Variants in MARCO observed in about 807,000 individuals in gnomAD.
The protein encoded by MARCO is macrophage receptor MARCO.
MARCO carries 72 observed loss-of-function variants against 70.0 expected under a neutral mutation model. The ratio of observed to expected loss-of-function variants is 1.03; its 90% CI spans 0.85 to 1.25. MARCO has a LOEUF of 1.25. Ranked by LOEUF, MARCO falls within the 50% of genes most tolerant of loss-of-function variation. The probability of loss-of-function intolerance (pLI) is 0.00; values close to 1 mark genes in which losing one functional copy is unlikely to be tolerated. For missense variants in MARCO, 696 were observed against 659.3 expected (o/e 1.06, Z -0.61); for synonymous variants, 273 against 243.1 (o/e 1.12, Z -1.14).
intron 3 of MARCO, among the ~76,000 whole-genome samples, chr2:118,970,644 G>T (rs768621049): frequency 6.6e-6 from 1 of 152,324 alleles, no homozygotes; most frequent in Admixed American, 6.5e-5. Context: ...AGACAATGTG[G>T]GGACTTTGTG....
intron 4 of MARCO, 150 bp downstream of exon 4, chr2:118,971,684 C>G (rs1026672148): frequency 4.0e-6 from 3 of 750,790 alleles, no homozygotes; most frequent in Non-Finnish European, 6.7e-6. Context: ...GTTGGGTCTC[C>G]TCTCTGTTCC....
In MARCO at chr2:118,992,929, G is replaced by A. The variant is rs995198619; in HGVS notation, c.1253-195G>A. The A allele has an allele frequency of 1.2e-5, 7 of 563,478 alleles. No individual in the cohort carries two copies. The East Asian group carries it at 1.4e-4, about 12-fold the overall frequency. 34.9% of individuals were successfully genotyped at this position (563,478 alleles called of 1,614,324 possible). A position where few individuals can be genotyped will look rare whatever the true frequency, so the allele number is the denominator to read the frequency against. On this transcript the variant is annotated intron_variant, in intron 15 of 16. Transcript: ENST00000327097. ...TGCCCCTGTGGCCTTGTGCCTGCAG[G>A]CCCCAGGTGCATGGAGGCTGCGTGC...
intron 12 of MARCO, among the ~76,000 whole-genome samples, chr2:118,986,672 G>GGAAAGAAAGAAAGAAAGAAA (rs70949954): frequency 8.2e-4 from 40 of 48,688 alleles, no homozygotes; most frequent in Non-Finnish European, 8.9e-4. Context: ...AAGGAAGGAA[G>GGAAAGAAAGAAAGAAAGAAA]GAAAGAAAGA....
At chr2:118,993,001 C>A in intron 15 of MARCO, 123 bp from the exon 16 acceptor site, 1 of 877,596 alleles carries the variant, frequency 1.1e-6, no homozygotes, top group African/African-American at 1.7e-5. Flanking sequence ...GCTCTGGTGA[C>A]AGTCAAGCAG....
At chr2:118,977,724 G>C (rs1680312251) in intron 7 of MARCO, 104 bp from the exon 8 acceptor site, 1 of 922,182 alleles carries the variant, frequency 1.1e-6, no homozygotes, top group African/African-American at 1.7e-5. Context: ...GAAATCTGGG[G>C]ATCCCATTCC....
At chr2:118,968,499 AT>A (rs948757896) in intron 1 of MARCO, among the ~76,000 whole-genome samples, 2 of 152,166 alleles carry the variant, frequency 1.3e-5, no homozygotes, top group Non-Finnish European at 2.9e-5. Flanking sequence ...GGTTTGTAGG[AT>A]TTCTGGACAG....
chr2:118,983,621 A>G (rs1005637832), intron 12 of MARCO, among the ~76,000 whole-genome samples: 5 of 152,158 alleles, frequency 3.3e-5, no homozygotes, highest in Admixed American at 2.6e-4. Context: ...ATCTGGGTAT[A>G]GTCGTCAGAT....
In MARCO at chr2:118,993,146, G is replaced by T; in HGVS notation, c.1275G>T (p.Arg425Ser). 1 of 1,614,258 alleles carries T rather than the reference G, an allele frequency of 6.2e-7. No individual in the cohort carries two copies. Among genetic ancestry groups the T allele is most frequent in the Non-Finnish European group, 8.5e-7 (1 of 1,180,042 alleles). Residue 425 changes from arginine to serine, a missense_variant, in exon 16 of 17, where the codon AGG becomes AGT. Arg to Ser is a moderately radical substitution (Grantham distance 110). Coordinates refer to ENST00000327097, the MANE Select transcript of MARCO (RefSeq NM_006770.4). ...GERGENSVSVRIVGSSNRGRA... is the reference protein window; with the variant it reads ...GERGENSVSVSIVGSSNRGRA... The stretch of plus-strand genomic sequence containing the variant: ...CAGGTGAAAACTCAGTGTCCGTCAG[G>T]ATTGTCGGCAGTAGTAACCGAGGCC...
intron 1 of MARCO, among the ~76,000 whole-genome samples, chr2:118,965,003 A>G (rs980884938): frequency 9.9e-5 from 15 of 151,548 alleles, no homozygotes; most frequent in Admixed American, 7.9e-4. Context: ...TATGTTTTCA[A>G]TGTTTTAGTT....
chr2:118,986,656 G>A (rs10445849), intron 12 of MARCO, among the ~76,000 whole-genome samples: 9,094 of 25,432 alleles, frequency 0.36, 1,109 homozygotes, highest in Non-Finnish European at 0.4. Flanking sequence ...AAAGAAAGAA[G>A]GAAGGAAGGA....
At chr2:118,993,468 A>G (rs1680662741) in intron 16 of MARCO, among the ~76,000 whole-genome samples, 168 bp downstream of exon 16, 1 of 152,204 alleles carries the variant, frequency 6.6e-6, no homozygotes, top group Non-Finnish European at 1.5e-5. Context: ...GCATCCTTCC[A>G]GCTTGGCAAC....
chr2:118,977,963 C>A (rs1258114954), intron 8 of MARCO, 28 bp downstream of exon 8: 1 of 1,514,508 alleles, frequency 6.6e-7, no homozygotes, highest in Admixed American at 1.9e-5. Context: ...GGTGTCGGTG[C>A]TTGCCAGGAG....
intron 8 of MARCO, among the ~76,000 whole-genome samples, chr2:118,979,270 G>A (rs1278035138): frequency 6.6e-6 from 1 of 152,196 alleles, no homozygotes; most frequent in African/African-American, 2.4e-5. Context: ...GGTTTCAGGA[G>A]GACCAATTGT....
At chr2:118,956,356 C>A (rs1020359828) in intron 1 of MARCO, among the ~76,000 whole-genome samples, 26 of 151,994 alleles carry the variant, frequency 1.7e-4, no homozygotes, top group Admixed American at 5.9e-4. Flanking sequence ...TTATATCAGA[C>A]AAAACAATCT....
At chr2:118,965,867 G>A (rs1201461678) in intron 1 of MARCO, among the ~76,000 whole-genome samples, 2 of 152,216 alleles carry the variant, frequency 1.3e-5, no homozygotes, top group African/African-American at 2.4e-5. Context: ...AAGGCAGAAG[G>A]CACGTTCCAG....
At position 118,970,386 on chromosome 2, in the gene MARCO, G is replaced by C. The variant is rs748370387; in HGVS notation, c.424+48G>C. ...TCAGGACTTCTCAACAGAGGTCTGG[G>C]AGACAGCGGGATCAGGAACCAGGAA... On this transcript the variant is annotated intron_variant, in intron 3 of 16. Transcript: ENST00000327097. 5.0e-6 allele frequency: 7 copies of C among 1,401,678 alleles called. No individual in the cohort carries two copies. The East Asian group carries it at 1.7e-4, about 34-fold the overall frequency. The allele number at this position is 1,401,678 out of a possible 1,614,324, so 86.8% of individuals were successfully genotyped here.
intron 2 of MARCO, 150 bp from the exon 3 acceptor site, chr2:118,969,964 G>T: frequency 1.5e-6 from 1 of 655,974 alleles, no homozygotes; most frequent in Non-Finnish European, 2.7e-6. Flanking sequence ...ATGTAGAAAA[G>T]GCCGTGTGCT....
At chr2:118,986,713 G>GAAAGAAAGAAAT (rs1680519286) in intron 12 of MARCO, among the ~76,000 whole-genome samples, 1 of 99,802 alleles carries the variant, frequency 1.0e-5, no homozygotes, top group Non-Finnish European at 2.0e-5. Context: ...AAGAAAGAAA[G>GAAAGAAAGAAAT]AAAGAAAGAA....
intron 1 of MARCO, among the ~76,000 whole-genome samples, chr2:118,946,101 A>G (rs1031782090): frequency 6.6e-6 from 1 of 152,218 alleles, no homozygotes; most frequent in African/African-American, 2.4e-5. Context: ...TGAAGTAGTT[A>G]TAGAGTCAGA....
Sources: allele counts gnomAD v4.1 joint callset (sites outside exome capture counted in the v4.1 genomes callset), GRCh38; gene constraint gnomAD v4.1.1; transcripts MANE v1.5; gene names NCBI Gene and HGNC (gene_info 2026-07-23, HGNC 2026-07-21).